Variants in SETD3 observed in about 807,000 individuals in gnomAD.
The protein encoded by SETD3 is actin-histidine N-methyltransferase.
SETD3 carries 19 observed loss-of-function variants against 63.0 expected under a neutral mutation model. The observed-to-expected ratio is 0.30, with a 90% confidence interval of 0.21 to 0.44. The LOEUF (loss-of-function observed/expected upper bound fraction) is 0.44, where lower values mean the gene tolerates loss of function less well. SETD3 is among the 20% of genes least tolerant of loss of function. The probability of loss-of-function intolerance (pLI) is 1.00; values close to 1 mark genes in which losing one functional copy is unlikely to be tolerated. For missense variants in SETD3, 587 were observed against 728.5 expected, an observed-to-expected ratio of 0.81 and a Z score of 2.24; for synonymous variants, 286 against 264.1, an observed-to-expected ratio of 1.08 and a Z score of -0.80.
chr14:99,434,165 C>T (rs183337318), intron 6 of SETD3, among the ~76,000 whole-genome samples: 1,334 of 123,770 alleles, frequency 0.011, 23 homozygotes, highest in Non-Finnish European at 0.012. Flanking sequence ...AAATGTCCAT[C>T]GACAGAACAG....
upstream of SETD3, chr14:99,481,294 C>G (rs1308326347): frequency 1.0e-5 from 4 of 396,902 alleles, no homozygotes; most frequent in Non-Finnish European, 1.8e-5. Flanking sequence ...AGCGGCGGCT[C>G]GTTCCTCTTT....
upstream of SETD3, among the ~76,000 whole-genome samples, chr14:99,484,038 A>G (rs1335290653): frequency 1.3e-5 from 2 of 152,270 alleles, no homozygotes; most frequent in Non-Finnish European, 2.9e-5. Flanking sequence ...TTGTCTCAAA[A>G]AAAATAAAAA....
chr14:99,435,487 C>T (rs193198017), intron 6 of SETD3, among the ~76,000 whole-genome samples: 2 of 152,298 alleles, frequency 1.3e-5, no homozygotes, highest in Admixed American at 1.3e-4. Context: ...GTGCCTTTAA[C>T]ACCCACGAGT....
rs780502128 is a variant in SETD3 at position 99,463,483 on chromosome 14, T to C, written c.196+3A>G. Reference sequence around the variant, plus strand: ...AATACAGTTATCATTCTAGCAATTTTACCTTTTTGCTTTTTCCGTATTTTC... The same window carrying C: ...AATACAGTTATCATTCTAGCAATTTCACCTTTTTGCTTTTTCCGTATTTTC... On this transcript the variant is annotated splice_donor_region_variant and intron_variant, in intron 3 of 12. Transcript: ENST00000331768. The C allele has an allele frequency of 8.7e-6, 14 of 1,609,800 alleles. No individual in the cohort carries two copies. Among genetic ancestry groups the C allele is most frequent in the Non-Finnish European group, 1.2e-5 (14 of 1,176,654 alleles).
chr14:99,417,308 GA>G (rs1892338712), intron 6 of SETD3, among the ~76,000 whole-genome samples: 1 of 152,158 alleles, frequency 6.6e-6, no homozygotes, highest in Non-Finnish European at 1.5e-5. Flanking sequence ...TGATAAAAAT[GA>G]AATCTCCCTA....
chr14:99,417,902 G>A (rs2139654914), intron 6 of SETD3, among the ~76,000 whole-genome samples: 1 of 152,060 alleles, frequency 6.6e-6, no homozygotes. Flanking sequence ...ATGCTCTGAA[G>A]AAAAAAATAT....
intron 8 of SETD3, among the ~76,000 whole-genome samples, chr14:99,408,435 T>C (rs1234961652): frequency 6.6e-6 from 1 of 152,072 alleles, no homozygotes; most frequent in Non-Finnish European, 1.5e-5. Flanking sequence ...CAAAGTGGAA[T>C]GAGAAGCTGC....
At position 99,461,198 on chromosome 14, in the gene SETD3, A is replaced by G. The variant is rs766216016; in HGVS notation, c.339T>C (p.Asp113=). The G allele has an allele frequency of 8.7e-6, 14 of 1,613,652 alleles. No individual in the cohort carries two copies. Among genetic ancestry groups the G allele is most frequent in the Non-Finnish European group, 1.0e-5 (12 of 1,179,942 alleles). ...CAACATTTTATAAACTCACCTTGAT[A>G]TCTCTTGTTGCTCTCAAACCAAAGC... ...EEGFGLRATR[D]IKAEELFLWV... Residue 113 remains aspartate, a synonymous_variant, in exon 4 of 13, where the codon GAT becomes GAC. Coordinates refer to ENST00000331768, the MANE Select transcript of SETD3 (RefSeq NM_032233.3).
At chr14:99,473,452 C>T (rs1339828737) in intron 1 of SETD3, among the ~76,000 whole-genome samples, 1 of 152,094 alleles carries the variant, frequency 6.6e-6, no homozygotes, top group East Asian at 1.9e-4. Flanking sequence ...TGAGTTCCCT[C>T]GAAAATGCTG....
intron 8 of SETD3, chr14:99,410,264 G>A (rs757748641): frequency 4.3e-6 from 7 of 1,612,780 alleles, no homozygotes; most frequent in Non-Finnish European, 5.9e-6. Context: ...TGTGCACGGA[G>A]GGTGTGGGGG....
At position 99,410,271 on chromosome 14, in the gene SETD3, G is replaced by C. The variant is rs775652545; in HGVS notation, c.849+2680C>G. 5 of 1,612,350 alleles carry C rather than the reference G, an allele frequency of 3.1e-6. No homozygotes were observed. The East Asian group carries it at 6.7e-5, about 22-fold the overall frequency. ...CAGACCTGTGTGCACGGAGGGTGTG[G>C]GGGGACAGGTTGTTCGGAGAGACTT... is the stretch of plus-strand genomic sequence containing the variant. On this transcript the variant is annotated intron_variant, in intron 8 of 12. Coordinates refer to ENST00000331768, the MANE Select transcript of SETD3 (RefSeq NM_032233.3).
intron 1 of SETD3, among the ~76,000 whole-genome samples, chr14:99,478,927 T>A (rs999008182): frequency 1.3e-5 from 2 of 152,224 alleles, no homozygotes; most frequent in African/African-American, 2.4e-5. Flanking sequence ...AAAAGCTTAA[T>A]TATCATTTAA....
chr14:99,427,803 G>A (rs1395935892), intron 6 of SETD3, among the ~76,000 whole-genome samples: 2 of 152,150 alleles, frequency 1.3e-5, no homozygotes, highest in African/African-American at 2.4e-5. Flanking sequence ...AAACTGTGAC[G>A]TGTCACACCA....
chr14:99,443,634 G>A (rs1389337656), intron 6 of SETD3, among the ~76,000 whole-genome samples: 1 of 152,146 alleles, frequency 6.6e-6, no homozygotes, highest in Non-Finnish European at 1.5e-5. Flanking sequence ...TGGAAGACAG[G>A]ATTTATTCCG....
chr14:99,479,760 G>C (rs1896168002), intron 1 of SETD3, among the ~76,000 whole-genome samples: 1 of 152,226 alleles, frequency 6.6e-6, no homozygotes, highest in African/African-American at 2.4e-5. Flanking sequence ...TGATTTGTCA[G>C]CATACTTTAA....
intron 6 of SETD3, among the ~76,000 whole-genome samples, chr14:99,452,897 G>A (rs1894541667): frequency 6.6e-6 from 1 of 152,168 alleles, no homozygotes; most frequent in Admixed American, 6.5e-5. Context: ...GTTTGGTACA[G>A]GCCCCCAAGA....
intron 7 of SETD3, chr14:99,413,271 T>C: frequency 3.8e-6 from 2 of 525,994 alleles, no homozygotes; most frequent in Non-Finnish European, 6.8e-6. Flanking sequence ...AGTGAGTGTT[T>C]AAGGCAGACT....
chr14:99,438,313 G>A, intron 6 of SETD3, among the ~76,000 whole-genome samples: 1 of 152,134 alleles, frequency 6.6e-6, no homozygotes, highest in Non-Finnish European at 1.5e-5. Flanking sequence ...TTTGCTCTAG[G>A]CTTGACTTCT....
intron 6 of SETD3, among the ~76,000 whole-genome samples, chr14:99,438,349 T>C (rs1428468559): frequency 1.3e-5 from 2 of 152,212 alleles, no homozygotes; most frequent in Admixed American, 1.3e-4. Flanking sequence ...CAAATATATA[T>C]TCCAAAGAAT....
Sources: allele counts gnomAD v4.1 joint callset (sites outside exome capture counted in the v4.1 genomes callset), GRCh38; gene constraint gnomAD v4.1.1; transcripts MANE v1.5; gene names NCBI Gene and HGNC (gene_info 2026-07-23, HGNC 2026-07-21).